SFI1: variants seen among roughly 807,000 people sequenced by gnomAD.
SFI1 encodes the protein SFI1 centrin binding protein.
A neutral mutation model predicts 207.5 loss-of-function variants in SFI1; 195 were observed. That is an observed-to-expected ratio of 0.94 (90% CI 0.84 to 1.06). SFI1 has a LOEUF of 1.06. SFI1 is among the 50% of genes least tolerant of loss of function. SFI1 has a pLI of 0.00. For missense variants in SFI1, 1,634 were observed against 1,588.0 expected (o/e 1.03, Z -0.49); for synonymous variants, 630 against 598.9 (o/e 1.05, Z -0.76).
intron 1 of SFI1, among the ~76,000 whole-genome samples, chr22:31,500,769 T>G (rs928841267): frequency 6.7e-6 from 1 of 148,820 alleles, no homozygotes; most frequent in East Asian, 2.0e-4. Context: ...TAAAGTGGTG[T>G]TTTTGTGTGT....
At position 31,578,403 on chromosome 22, in the gene SFI1, A is replaced by T. The variant is rs1448239446; in HGVS notation, c.1106A>T (p.Glu369Val). The change falls in exon 11 of 33, where the codon GAA (glutamate) becomes GTA (valine). Residue 369 changes from glutamate to valine, a missense_variant. Transcript: ENST00000400288. ...WKHYMLLCAE[E>V]AAQFEMAEEH... ...GCAGACATGCTGCTGTGTGCAGAAGAAGCTGCCCAGTTTGAGATGGCAGAA... is the reference window on the plus strand; with the variant it reads ...GCAGACATGCTGCTGTGTGCAGAAGTAGCTGCCCAGTTTGAGATGGCAGAA... 1 of 1,613,798 alleles carries T rather than the reference A, an allele frequency of 6.2e-7. No individual in the cohort carries two copies.
chr22:31,539,700 A>C (rs143918216), intron 4 of SFI1, among the ~76,000 whole-genome samples: 2 of 150,938 alleles, frequency 1.3e-5, no homozygotes, highest in African/African-American at 4.9e-5. Context: ...TAAGAGCAGG[A>C]CCCTAAAAAG....
intron 2 of SFI1, among the ~76,000 whole-genome samples, chr22:31,511,464 G>GTTTTTTTTTTTTTTTT (rs758898165): frequency 8.7e-6 from 1 of 114,526 alleles, no homozygotes; most frequent in Non-Finnish European, 1.7e-5. Context: ...CATAGTTTCT[G>GTTTTTTTTTTTTTTTT]TTTTTTTTTT....
chr22:31,547,036 C>A, intron 5 of SFI1, 65 bp downstream of exon 5: 2 of 1,216,072 alleles, frequency 1.6e-6, no homozygotes, highest in Non-Finnish European at 2.3e-6. Flanking sequence ...TATTTGTTGG[C>A]GTGTTTATGG....
intron 6 of SFI1, among the ~76,000 whole-genome samples, chr22:31,553,501 T>C (rs2060814756): frequency 6.7e-6 from 1 of 149,882 alleles, no homozygotes; most frequent in East Asian, 2.0e-4. Flanking sequence ...GACTACATGG[T>C]GCGCTACCAT....
chr22:31,528,728 C>G lies in SFI1; in HGVS notation c.131C>G (p.Ala44Gly). ...KDGAVKKPYS[A>G]KTLSNKKSSA... The stretch of plus-strand genomic sequence containing the variant: ...GGTGCAGTTAAGAAACCTTATTCTG[C>G]AAAGACACTGTCCAACAAGAAGTCT... The change falls in exon 3 of 33, where the codon GCA becomes GGA. Residue 44 changes from alanine (A) to glycine (G), a missense_variant. Ala to Gly is a moderately conservative substitution (Grantham distance 60). Transcript: ENST00000400288. The G allele has an allele frequency of 6.2e-7, 1 of 1,614,138 alleles. No homozygotes were observed. Among genetic ancestry groups the G allele is most frequent in the South Asian group, 1.1e-5 (1 of 91,084 alleles).
chr22:31,615,480 C>T (rs144580372), intron 29 of SFI1: 133 of 448,082 alleles, frequency 3.0e-4, no homozygotes, highest in African/African-American at 2.4e-3. Flanking sequence ...GCCCTGCCAT[C>T]CTGAAGCTTA....
chr22:31,580,178 C>T (rs2063944209), intron 11 of SFI1, 94 bp from the exon 12 acceptor site: 1 of 877,540 alleles, frequency 1.1e-6, no homozygotes, highest in Non-Finnish European at 1.8e-6. Context: ...CTTCTCCCCG[C>T]TGATTTGAGG....
chr22:31,510,470 G>T (rs34538851), intron 2 of SFI1, among the ~76,000 whole-genome samples: 33,034 of 151,864 alleles, frequency 0.22, 4,598 homozygotes, highest in East Asian at 0.44. Context: ...TCTCACTCTT[G>T]TCACCCAGAC....
intron 5 of SFI1, among the ~76,000 whole-genome samples, chr22:31,548,654 A>G (rs1323638405): frequency 6.6e-6 from 1 of 151,414 alleles, no homozygotes; most frequent in African/African-American, 2.4e-5. Flanking sequence ...AAAAAAAAAA[A>G]AAAAATTAGC....
Position 31,618,520 on chromosome 22 carries a change from T to G in SFI1, c.*102T>G. The G allele has an allele frequency of 8.5e-7, 1 of 1,171,400 alleles. No homozygotes were observed. Among genetic ancestry groups the G allele is most frequent in the Non-Finnish European group, 1.1e-6 (1 of 878,544 alleles). The allele number at this position is 1,171,400 out of a possible 1,614,324, so 72.6% of individuals were successfully genotyped here. A position where few individuals can be genotyped will look rare whatever the true frequency, so the allele number is the denominator to read the frequency against. On this transcript the variant is annotated 3_prime_UTR_variant, in exon 33 of 33. Transcript: ENST00000400288. Reference sequence around the variant, plus strand: ...AAGTTTGATTTTTTTTATTTCAAAATGCTTTGCAATTAAATGAATTACTGT... The same window carrying G: ...AAGTTTGATTTTTTTTATTTCAAAAGGCTTTGCAATTAAATGAATTACTGT...
At chr22:31,598,983 G>A (rs1281478411) in intron 15 of SFI1, among the ~76,000 whole-genome samples, 3 of 148,474 alleles carry the variant, frequency 2.0e-5, no homozygotes, top group Non-Finnish European at 4.5e-5. Context: ...TAGTAGAGAC[G>A]GGGTTTCACT....
Position 31,528,735 on chromosome 22 carries a change from A to C in SFI1, c.138A>C (p.Thr46=). ...GAVKKPYSAK[T]LSNKKSSASF... ...TTAAGAAACCTTATTCTGCAAAGAC[A>C]CTGTCCAACAAGAAGTCTTCTGCAT... The change falls in exon 3 of 33, where the codon ACA becomes ACC. Residue 46 remains threonine (T), a synonymous_variant. Coordinates refer to ENST00000400288, the MANE Select transcript of SFI1 (RefSeq NM_001007467.3). 6.2e-7 allele frequency: 1 copy of C among 1,614,236 alleles called. No homozygotes were observed. The highest frequency in any genetic ancestry group is 8.5e-7 in the Non-Finnish European group (1 of 1,180,038).
intron 10 of SFI1, 125 bp downstream of exon 10, chr22:31,575,517 C>T: frequency 2.0e-6 from 2 of 1,004,812 alleles, no homozygotes; most frequent in East Asian, 2.8e-5. Flanking sequence ...ACAGCCTTAT[C>T]TCTGTTGACA....
intron 8 of SFI1, among the ~76,000 whole-genome samples, chr22:31,568,388 G>T (rs1364793198): frequency 6.6e-6 from 1 of 150,954 alleles, no homozygotes; most frequent in Admixed American, 6.6e-5. Context: ...AATTAGCCGG[G>T]CATGGTGGTG....
intron 2 of SFI1, among the ~76,000 whole-genome samples, chr22:31,518,612 CG>C (rs1486791053): frequency 1.3e-5 from 2 of 152,042 alleles, no homozygotes; most frequent in African/African-American, 4.8e-5. Flanking sequence ...TTATGTTTGT[CG>C]TCCCTTTGTG....
intron 2 of SFI1, among the ~76,000 whole-genome samples, chr22:31,520,438 TTC>T (rs774699316): frequency 1.1e-4 from 16 of 152,274 alleles, no homozygotes; most frequent in Non-Finnish European, 2.2e-4. Flanking sequence ...CCTAAAATGG[TTC>T]TATATTGCTT....
Position 31,557,048 on chromosome 22 carries a change from G to A in SFI1, c.651G>A (p.Arg217=), listed in dbSNP as rs920301728. 6.2e-7 allele frequency: 1 copy of A among 1,604,254 alleles called. No homozygotes were observed. Among genetic ancestry groups the A allele is most frequent in the Non-Finnish European group, 8.5e-7 (1 of 1,173,874 alleles). ...CTACAGCTCTGGAGTTTAGGCAACG[G>A]ATTATCTTACGGTGAGTCTGCTCAA... ...MQTTALEFRQ[R]IILRVWWSTW... is the part of the protein sequence containing the mutation. Residue 217 remains arginine, a synonymous_variant, in exon 7 of 33, where the codon CGG becomes CGA. Transcript: ENST00000400288.
intron 15 of SFI1, among the ~76,000 whole-genome samples, chr22:31,593,987 C>CA (rs1569421632): frequency 0.024 from 1,280 of 52,896 alleles, 13 homozygotes; most frequent in Non-Finnish European, 0.03. Context: ...GAGACGGAGA[C>CA]GAGGGAGAGG....
Sources: allele counts gnomAD v4.1 joint callset (sites outside exome capture counted in the v4.1 genomes callset), GRCh38; gene constraint gnomAD v4.1.1; transcripts MANE v1.5; gene names NCBI Gene and HGNC (gene_info 2026-07-23, HGNC 2026-07-21).